Variants in PIGQ observed in about 807,000 individuals in gnomAD.
PIGQ encodes the protein phosphatidylinositol N-acetylglucosaminyltransferase subunit Q.
Under a neutral mutation model 60.3 loss-of-function variants are expected in PIGQ, and 54 were observed. The observed-to-expected ratio is 0.90, with a 90% CI of 0.72 to 1.12. The LOEUF is 1.12. Among genes scored for constraint, PIGQ ranks in the 50% most tolerant of loss-of-function variants. PIGQ has a pLI of 0.00. For synonymous variants in PIGQ, 416 were observed against 363.7 expected, an observed-to-expected ratio of 1.14 and a Z score of -1.64; for missense variants, 799 against 793.5, an observed-to-expected ratio of 1.01 and a Z score of -0.08.
chr16:572,738 G>C, intron 1 of PIGQ: 1 of 456,000 alleles, frequency 2.2e-6, no homozygotes, highest in Non-Finnish European at 4.4e-6. Flanking sequence ...CTAAGGATGT[G>C]GTGGGCACTG....
In PIGQ at chr16:574,293, C is replaced by G. The variant is rs376034140; in HGVS notation, c.219C>G (p.Pro73=). 4.4e-6 allele frequency: 7 copies of G among 1,606,210 alleles called. No individual in the cohort carries two copies. Among genetic ancestry groups the G allele is most frequent in the South Asian group, 1.1e-5 (1 of 90,772 alleles). The part of the protein sequence containing the change: ...LGTWCHCRQE[P]EESLGRFLES... ...CCTGGTGCCACTGCCGGCAGGAGCC[C>G]GAGGAGAGCCTGGGCCGCTTCCTGG... The change falls in exon 2 of 11, where the codon CCC becomes CCG. Residue 73 remains proline, a synonymous_variant. Coordinates refer to ENST00000321878, the MANE Select transcript of PIGQ (RefSeq NM_004204.5).
intron 3 of PIGQ, 59 bp downstream of exon 3, chr16:576,029 T>G (rs1243617929): frequency 1.3e-6 from 2 of 1,549,742 alleles, no homozygotes; most frequent in East Asian, 4.8e-5. Context: ...CCCTTCTCCA[T>G]CCCCCTCTGC....
In PIGQ at chr16:580,142, G is replaced by A. The variant is rs141506517; in HGVS notation, c.1336-41G>A. ...ACAGTGCTGGGCCGTCCCTGGGCGCGGGGTCCTGCTGATGCCCGGTGTGCT... is the reference window on the plus strand; with the variant it reads ...ACAGTGCTGGGCCGTCCCTGGGCGCAGGGTCCTGCTGATGCCCGGTGTGCT... On this transcript the variant is annotated intron_variant, in intron 7 of 10. Coordinates refer to ENST00000321878, the MANE Select transcript of PIGQ (RefSeq NM_004204.5). 7.0e-5 allele frequency: 107 copies of A among 1,533,824 alleles called. No individual in the cohort carries two copies. In the African/African-American group the frequency reaches 1.0e-3, roughly 14 times the overall value.
chr16:579,957 C>G, intron 7 of PIGQ: 1 of 448,856 alleles, frequency 2.2e-6, no homozygotes, highest in South Asian at 4.6e-5. Context: ...CACGCACCGT[C>G]TTGGGTGGTC....
At chr16:573,487 G>T (rs1277513206) in intron 1 of PIGQ, among the ~76,000 whole-genome samples, 1 of 152,182 alleles carries the variant, frequency 6.6e-6, no homozygotes, top group Non-Finnish European at 1.5e-5. Context: ...CTTGTGGGAG[G>T]CAGGGACCTT....
rs376474260 is a variant in PIGQ, at chr16:578,799, A to G, written c.1084A>G (p.Met362Val). 6.2e-7 allele frequency: 1 copy of G among 1,613,542 alleles called. No individual in the cohort carries two copies. The highest frequency in any genetic ancestry group is 8.5e-7 in the Non-Finnish European group (1 of 1,179,854). Residue 362 changes from methionine to valine, a missense_variant, in exon 6 of 11, where the codon ATG becomes GTG. Transcript: ENST00000321878. ...IHLWISYIHL[M>V]SPFVEHILWH... Reference sequence around the variant, plus strand: ...CACCCTGCCAGGCTACATCCACCTCATGTCCCCCTTCGTGGAGCACATCCT... The same window carrying G: ...CACCCTGCCAGGCTACATCCACCTCGTGTCCCCCTTCGTGGAGCACATCCT...
intron 1 of PIGQ, among the ~76,000 whole-genome samples, chr16:572,211 T>C (rs7189540): frequency 0.74 from 112,019 of 152,148 alleles, 41,842 homozygotes; most frequent in African/African-American, 0.79. Context: ...CTGGGCCCCT[T>C]GCAGGCAGAA....
intron 1 of PIGQ, among the ~76,000 whole-genome samples, chr16:572,063 G>A (rs1480344916): frequency 1.3e-5 from 2 of 152,092 alleles, no homozygotes; most frequent in South Asian, 4.1e-4. Flanking sequence ...TTTCTTTTCC[G>A]ACGATATCTG....
chr16:583,134 T>C lies in PIGQ; in HGVS notation c.*99T>C. 6.2e-7 allele frequency: 1 copy of C among 1,613,266 alleles called. No individual in the cohort carries two copies. The highest frequency in any genetic ancestry group is 1.3e-5 in the African/African-American group (1 of 75,056). ...CAGCTGGCGCATGTCCTGTGCTTTGTGGACGCTGCTGTGTGCTCCTGAACA... is the reference window on the plus strand; with the variant it reads ...CAGCTGGCGCATGTCCTGTGCTTTGCGGACGCTGCTGTGTGCTCCTGAACA... On this transcript the variant is annotated 3_prime_UTR_variant, in exon 11 of 11. Coordinates refer to ENST00000321878, the MANE Select transcript of PIGQ (RefSeq NM_004204.5).
In PIGQ at chr16:582,277, G is replaced by A. The variant is rs766902402; in HGVS notation, c.1561G>A (p.Glu521Lys). 46 of 1,605,928 alleles carry A rather than the reference G, an allele frequency of 2.9e-5. No individual in the cohort carries two copies. The East Asian group carries it at 6.5e-4, about 23-fold the overall frequency. ...AGVKFRVLRH[E>K]AGRPLRLLMQ... ...CGTGAAGTTCCGTGTCCTCCGGCAC[G>A]AGGCCGGCAGGCCCCTCCGCCTCCT... The change falls in exon 10 of 11, where the codon GAG (glutamate) becomes AAG (lysine). Residue 521 changes from glutamate (E) to lysine (K), a missense_variant. Transcript: ENST00000321878.
chr16:576,046 C>G, intron 3 of PIGQ, 76 bp downstream of exon 3: 1 of 1,546,228 alleles, frequency 6.5e-7, no homozygotes, highest in Non-Finnish European at 8.7e-7. Context: ...CTGCACCACG[C>G]TGACCCCTCC....
In PIGQ at chr16:584,101, G is replaced by T. The variant is rs889191047; in HGVS notation, c.*1066G>T. 2 of 274,062 alleles carry T rather than the reference G, an allele frequency of 7.3e-6. No homozygotes were observed. Among genetic ancestry groups the T allele is most frequent in the African/African-American group, 4.4e-5 (2 of 45,588 alleles). The allele number at this position is 274,062 out of a possible 1,614,324, so 17.0% of individuals were successfully genotyped here. On this transcript the variant is annotated 3_prime_UTR_variant, in exon 11 of 11. Coordinates refer to ENST00000321878, the MANE Select transcript of PIGQ (RefSeq NM_004204.5). ...CTGCTGTGACAATAAAACCTGCCCC[G>T]TGTCTGGAGCGCAGGCTCGGTCCCG...
At chr16:576,108 C>T in intron 3 of PIGQ, 26 bp from the exon 4 acceptor site, 2 of 1,545,404 alleles carry the variant, frequency 1.3e-6, no homozygotes, top group Non-Finnish European at 8.7e-7. Context: ...CACCCTCATG[C>T]CGGCCGGGCC....
intron 9 of PIGQ, 63 bp downstream of exon 9, chr16:581,035 C>A: frequency 7.4e-7 from 1 of 1,348,816 alleles, no homozygotes; most frequent in Non-Finnish European, 1.1e-6. Context: ...CCTGTGGGCC[C>A]TGCAGAAGCA....
rs917443954 is a variant in PIGQ at position 584,042 on chromosome 16, C to G, written c.*1007C>G. On this transcript the variant is annotated 3_prime_UTR_variant, in exon 11 of 11. Transcript: ENST00000321878. ...TCAGCAGCACCAGGACTGCCTGGGA[C>G]TCCCTGGCAACCCAGCACCGGGGAA... 1.3e-4 allele frequency: 42 copies of G among 322,716 alleles called. No individual in the cohort carries two copies. Among genetic ancestry groups the G allele is most frequent in the African/African-American group, 7.9e-4 (37 of 46,814 alleles). The allele number at this position is 322,716 out of a possible 1,614,324, so 20.0% of individuals were successfully genotyped here.
chr16:577,875 T>A (rs1398891740), intron 4 of PIGQ: 1 of 153,110 alleles, frequency 6.5e-6, no homozygotes, highest in Non-Finnish European at 1.5e-5. Flanking sequence ...TCCTGCCTGG[T>A]CGCTGTGGCC....
At chr16:578,199 C>G in intron 4 of PIGQ, 180 bp from the exon 5 acceptor site, 1 of 613,320 alleles carries the variant, frequency 1.6e-6, no homozygotes. Flanking sequence ...CCAGCCTCCT[C>G]AGACCCCAAT....
At chr16:578,618 T>C in intron 5 of PIGQ, 113 bp downstream of exon 5, 1 of 1,422,512 alleles carries the variant, frequency 7.0e-7, no homozygotes, top group Non-Finnish European at 9.7e-7. Flanking sequence ...GCGTCCTGTG[T>C]GTGTGAGGCC....
intron 4 of PIGQ, among the ~76,000 whole-genome samples, chr16:577,436 GTAT>G (rs2035738645): frequency 6.6e-6 from 1 of 152,052 alleles, no homozygotes; most frequent in Non-Finnish European, 1.5e-5. Context: ...AATTAGCCAG[GTAT>G]GGTGGTGGGC....
Sources: gnomAD v4.1 joint callset for allele counts (sites outside exome capture counted in the v4.1 genomes callset) on GRCh38, gnomAD v4.1.1 for gene constraint, MANE v1.5 for transcripts, NCBI Gene and HGNC (gene_info 2026-07-23, HGNC 2026-07-21) for gene names.